RFTN2: variants seen among roughly 807,000 people sequenced by gnomAD.
The protein encoded by RFTN2 is raftlin-2.
In RFTN2, 34 loss-of-function variants were observed where a neutral mutation model predicts 52.7. The observed-to-expected ratio is 0.64, with a 90% CI of 0.49 to 0.86. The LOEUF (loss-of-function observed/expected upper bound fraction) is 0.86. RFTN2 is among the 40% of genes least tolerant of loss of function. The probability of loss-of-function intolerance (pLI) is 0.00; values close to 1 mark genes in which losing one functional copy is unlikely to be tolerated. For synonymous variants in RFTN2, 203 were observed against 217.7 expected, an observed-to-expected ratio of 0.93 and a Z score of 0.59; for missense variants, 536 against 600.1, an observed-to-expected ratio of 0.89 and a Z score of 1.12.
chr2:197,593,204 A>G (rs2087744855), intron 8 of RFTN2, among the ~76,000 whole-genome samples: 1 of 152,152 alleles, frequency 6.6e-6, no homozygotes, highest in Non-Finnish European at 1.5e-5. Flanking sequence ...AAGATTACCC[A>G]AAGAAAAGCT....
At chr2:197,615,131 A>T (rs992227994) in intron 7 of RFTN2, among the ~76,000 whole-genome samples, 4 of 152,210 alleles carry the variant, frequency 2.6e-5, no homozygotes, top group Non-Finnish European at 5.9e-5. Flanking sequence ...AAGGCCAGAA[A>T]AGGTGAGTGA....
At chr2:197,578,944 C>T (rs796360828) in intron 8 of RFTN2, among the ~76,000 whole-genome samples, 4 of 152,334 alleles carry the variant, frequency 2.6e-5, no homozygotes, top group African/African-American at 9.6e-5. Flanking sequence ...CTTTTACTCT[C>T]TTCTCCAACC....
chr2:197,609,624 C>T (rs1427491551), intron 7 of RFTN2, among the ~76,000 whole-genome samples: 2 of 152,172 alleles, frequency 1.3e-5, no homozygotes, highest in African/African-American at 4.8e-5. Context: ...TGTGCAGAAG[C>T]ACTTTAGTTT....
intron 1 of RFTN2, among the ~76,000 whole-genome samples, chr2:197,649,206 G>A (rs10196961): frequency 0.47 from 71,219 of 151,968 alleles, 17,090 homozygotes; most frequent in Middle Eastern, 0.58. Flanking sequence ...AGGCAGTGAC[G>A]TGGAATTTGT....
intron 8 of RFTN2, among the ~76,000 whole-genome samples, chr2:197,577,164 G>A (rs1465303377): frequency 6.6e-6 from 1 of 152,202 alleles, no homozygotes; most frequent in Non-Finnish European, 1.5e-5. Context: ...TCCCTAAAAT[G>A]TGTAAAACCA....
Position 197,646,466 on chromosome 2 carries a change from T to G in RFTN2, c.323+17A>C. ...ACTGTCACCCTCACCTGCCTCTTTC[T>G]TGAATAGTGTGCTTACCTTAATTTC... is the stretch of plus-strand genomic sequence containing the variant. On this transcript the variant is annotated intron_variant, in intron 2 of 8. Coordinates refer to ENST00000295049, the MANE Select transcript of RFTN2 (RefSeq NM_144629.3). The G allele has an allele frequency of 1.2e-6, 2 of 1,601,166 alleles. No homozygotes were observed. Among genetic ancestry groups the G allele is most frequent in the Non-Finnish European group, 1.7e-6 (2 of 1,173,462 alleles).
intron 5 of RFTN2, among the ~76,000 whole-genome samples, chr2:197,618,651 T>G (rs1406057673): frequency 2.1e-5 from 3 of 142,596 alleles, no homozygotes; most frequent in Admixed American, 6.9e-5. Flanking sequence ...GAGCGCCTCT[T>G]CCCGGCCGCC....
In RFTN2 at chr2:197,622,720, C is replaced by T. The variant is rs182235649; in HGVS notation, c.929-4799G>A. Among the ~76,000 whole-genome samples, 20 of 152,300 alleles carry T rather than the reference C, an allele frequency of 1.3e-4. No homozygotes were observed. The East Asian group carries it at 2.7e-3, about 21-fold the overall frequency. ...CCTGGCTTCAAAGCTTCGTAGGACA[C>T]GCTGACTCTCTTGTTAGGGACTAAT... On this transcript the variant is annotated intron_variant, in intron 5 of 8. Coordinates refer to ENST00000295049, the MANE Select transcript of RFTN2 (RefSeq NM_144629.3).
chr2:197,590,579 C>A (rs1245823108), intron 8 of RFTN2, among the ~76,000 whole-genome samples: 2 of 152,180 alleles, frequency 1.3e-5, no homozygotes, highest in Non-Finnish European at 2.9e-5. Context: ...TCTCACTGAC[C>A]TCAAGAGTGA....
chr2:197,587,399 ATGGCC>A (rs1264572924), intron 8 of RFTN2, among the ~76,000 whole-genome samples: 2 of 152,176 alleles, frequency 1.3e-5, no homozygotes, highest in Non-Finnish European at 2.9e-5. Context: ...ATACATCCAG[ATGGCC>A]TGAAGTAATT....
intron 6 of RFTN2, among the ~76,000 whole-genome samples, chr2:197,617,129 G>C (rs1361332696): frequency 6.6e-6 from 1 of 152,064 alleles, no homozygotes; most frequent in African/African-American, 2.4e-5. Flanking sequence ...TCATTCATAA[G>C]GTTAAAAAAA....
intron 5 of RFTN2, among the ~76,000 whole-genome samples, chr2:197,621,620 G>A (rs1439925344): frequency 1.3e-5 from 2 of 151,766 alleles, no homozygotes; most frequent in Non-Finnish European, 1.5e-5. Context: ...TTGGGCCACC[G>A]GGAACCATGC....
chr2:197,624,493 G>A (rs2088320324), intron 5 of RFTN2, among the ~76,000 whole-genome samples: 1 of 151,488 alleles, frequency 6.6e-6, no homozygotes, highest in East Asian at 1.9e-4. Context: ...AGCTACTCGG[G>A]AGACTGAGGC....
At position 197,579,646 on chromosome 2, in the gene RFTN2, T is replaced by C. The variant is rs140443516; in HGVS notation, c.1234-7366A>G. Among the ~76,000 whole-genome samples, 87 of 152,200 alleles carry C rather than the reference T, an allele frequency of 5.7e-4. 1 individual carries two copies. In the East Asian group the frequency reaches 0.017, roughly 29 times the overall value. ...CCCTAGCCTCTGTTCCCAATGTGAC[T>C]TGTCCCAAATCCTCCTTCTTTCCCT... On this transcript the variant is annotated intron_variant, in intron 8 of 8. Coordinates refer to ENST00000295049, the MANE Select transcript of RFTN2 (RefSeq NM_144629.3).
chr2:197,647,476 T>C (rs1453181001), intron 1 of RFTN2, among the ~76,000 whole-genome samples: 3 of 152,248 alleles, frequency 2.0e-5, no homozygotes, highest in East Asian at 3.9e-4. Context: ...TCCCAAAGTG[T>C]TGGGATTATA....
At chr2:197,610,434 A>G (rs2088037647) in intron 7 of RFTN2, among the ~76,000 whole-genome samples, 1 of 152,162 alleles carries the variant, frequency 6.6e-6, no homozygotes. Flanking sequence ...GGTGTATAGG[A>G]ATGCTTGTTA....
chr2:197,595,144 C>T (rs1025473590), intron 8 of RFTN2, among the ~76,000 whole-genome samples: 1 of 152,170 alleles, frequency 6.6e-6, no homozygotes, highest in Non-Finnish European at 1.5e-5. Context: ...TCAGAATAGC[C>T]CTTCAGCAAA....
chr2:197,648,205 C>G (rs189779479), intron 1 of RFTN2, among the ~76,000 whole-genome samples: 3 of 152,272 alleles, frequency 2.0e-5, no homozygotes, highest in East Asian at 3.9e-4. Context: ...ACATCAGTAT[C>G]CACATGATGA....
At chr2:197,579,057 G>A (rs1280631620) in intron 8 of RFTN2, among the ~76,000 whole-genome samples, 1 of 152,152 alleles carries the variant, frequency 6.6e-6, no homozygotes, top group African/African-American at 2.4e-5. Flanking sequence ...GGCAGAGATA[G>A]AGGAGACACA....
Sources: allele counts gnomAD v4.1 joint callset (sites outside exome capture counted in the v4.1 genomes callset), GRCh38; gene constraint gnomAD v4.1.1; transcripts MANE v1.5; gene names NCBI Gene and HGNC (gene_info 2026-07-23, HGNC 2026-07-21).